TSHZ3: variants seen among roughly 807,000 people sequenced by gnomAD.
TSHZ3 encodes the protein teashirt homolog 3.
In TSHZ3, 10 loss-of-function variants were observed where a neutral mutation model predicts 64.5. The ratio of observed to expected loss-of-function variants is 0.16; its 90% CI spans 0.10 to 0.26. The LOEUF (loss-of-function observed/expected upper bound fraction) is 0.26, where lower values mean the gene tolerates loss of function less well. Ranked by LOEUF, TSHZ3 falls within the 10% of genes least tolerant of loss-of-function variation. The probability of loss-of-function intolerance (pLI) is 1.00; values close to 1 mark genes in which losing one functional copy is unlikely to be tolerated. For missense variants in TSHZ3, 1,242 were observed against 1,421.7 expected (o/e 0.87, Z 2.03); for synonymous variants, 608 against 593.1 (o/e 1.03, Z -0.36).
intron 5 of TSHZ3, chr19:31,167,973 G>A (rs896260273): frequency 3.3e-5 from 5 of 152,092 alleles, no homozygotes; most frequent in South Asian, 2.1e-4. Context: ...TTGAGTCCAC[G>A]GTGTGTTTCT....
At chr19:31,193,445 C>T (rs1974942138) in intron 5 of TSHZ3, among the ~76,000 whole-genome samples, 2 of 152,156 alleles carry the variant, frequency 1.3e-5, no homozygotes, top group African/African-American at 2.4e-5. Context: ...TCTCAAAAGA[C>T]TTGAATGCCA....
intron 1 of TSHZ3, among the ~76,000 whole-genome samples, chr19:31,305,269 T>C (rs1916261288): frequency 6.6e-6 from 1 of 152,002 alleles, no homozygotes; most frequent in African/African-American, 2.4e-5. Context: ...CTCTGAACTG[T>C]TGATTTCGTT....
intron 1 of TSHZ3, among the ~76,000 whole-genome samples, chr19:31,307,384 G>C (rs1916332183): frequency 6.6e-6 from 1 of 152,120 alleles, no homozygotes; most frequent in Non-Finnish European, 1.5e-5. Context: ...TGGCTGGGGA[G>C]ACGGGAAGAT....
chr19:31,278,597 T>C lies in TSHZ3; in HGVS notation c.1196A>G (p.Gln399Arg). The part of the protein sequence containing the change: ...MECGSSHDTL[Q>R]ELTAHMMVTG... ...GACCATCATGTGGGCAGTGAGCTCC[T>C]GCAGGGTGTCATGCGAGCTCCCACA... Residue 399 changes from glutamine to arginine, a missense_variant, in exon 2 of 2, where the codon CAG (glutamine) becomes CGG (arginine). By Grantham distance (43) the Gln-to-Arg change is conservative. This residue lies in a region of TSHZ3 where 555 missense variants were observed against 704.0 expected (regional missense o/e 0.79). Transcript: ENST00000240587. This position sits in a 1 kb window ranked among gnomAD's most constrained non-coding sequence, Gnocchi z 4.7. 6.2e-7 allele frequency: 1 copy of C among 1,614,202 alleles called. No homozygotes were observed. The highest frequency in any genetic ancestry group is 8.5e-7 in the Non-Finnish European group (1 of 1,180,030).
At chr19:31,303,112 A>C (rs547061520) in intron 1 of TSHZ3, among the ~76,000 whole-genome samples, 1 of 152,316 alleles carries the variant, frequency 6.6e-6, no homozygotes, top group East Asian at 1.9e-4. Context: ...AAACAACTCC[A>C]AACAAAGCTA....
At chr19:31,209,145 C>T (rs772245610) in intron 4 of TSHZ3, among the ~76,000 whole-genome samples, 1 of 152,140 alleles carries the variant, frequency 6.6e-6, no homozygotes, top group African/African-American at 2.4e-5. Context: ...CCTTATGACT[C>T]CATGTAGAAA....
chr19:31,205,717 A>G (rs1447574620), intron 4 of TSHZ3, among the ~76,000 whole-genome samples: 2 of 152,208 alleles, frequency 1.3e-5, no homozygotes, highest in Middle Eastern at 3.2e-3. Flanking sequence ...AGCCCAAAAC[A>G]GAGGCTGTTG....
At chr19:31,204,709 T>C (rs932222484) in intron 5 of TSHZ3, 4 of 152,308 alleles carry the variant, frequency 2.6e-5, no homozygotes, top group African/African-American at 7.2e-5. Context: ...TGGCTGTCCA[T>C]GTTTCCGTCC....
exon 7 of TSHZ3, among the ~76,000 whole-genome samples, chr19:31,151,696 G>A (rs1176553456): frequency 6.6e-6 from 1 of 152,140 alleles, no homozygotes; most frequent in South Asian, 2.1e-4. Context: ...AGTCTGTCTC[G>A]ATGCAAGAGA....
chr19:31,350,232 G>C (rs1220237940), upstream of TSHZ3, among the ~76,000 whole-genome samples: 1 of 149,920 alleles, frequency 6.7e-6, no homozygotes, highest in Non-Finnish European at 1.5e-5. Flanking sequence ...GGGCCGGGGC[G>C]GGTGGGGGCA....
chr19:31,186,121 G>A (rs923935260), intron 5 of TSHZ3, among the ~76,000 whole-genome samples: 11 of 152,100 alleles, frequency 7.2e-5, no homozygotes, highest in African/African-American at 2.2e-4. Flanking sequence ...GAATCAAGTC[G>A]CGGTGACCGT....
chr19:31,314,530 G>T (rs146005015), intron 1 of TSHZ3, among the ~76,000 whole-genome samples: 1 of 152,188 alleles, frequency 6.6e-6, no homozygotes, highest in African/African-American at 2.4e-5. Flanking sequence ...CTAATGACAG[G>T]ATTTCACATC....
At chr19:31,193,938 A>G (rs1175098701) in intron 5 of TSHZ3, among the ~76,000 whole-genome samples, 1 of 152,214 alleles carries the variant, frequency 6.6e-6, no homozygotes, top group Non-Finnish European at 1.5e-5. Context: ...TTGCTACTCT[A>G]TCTTAACAAC....
At chr19:31,224,860 G>T (rs2047335) in intron 4 of TSHZ3, among the ~76,000 whole-genome samples, 25,977 of 152,192 alleles carry the variant, frequency 0.17, 2,422 homozygotes, top group Middle Eastern at 0.39. Context: ...TTGTGCTCAA[G>T]AGCTGGAGGT....
At chr19:31,250,455 C>T (rs181649092) in intron 1 of TSHZ3, among the ~76,000 whole-genome samples, 1 of 152,336 alleles carries the variant, frequency 6.6e-6, no homozygotes, top group East Asian at 1.9e-4. Context: ...GTAGAGAATA[C>T]ATCCCAACTC....
At chr19:31,282,543 C>A (rs1197642170) in intron 1 of TSHZ3, among the ~76,000 whole-genome samples, 1 of 152,078 alleles carries the variant, frequency 6.6e-6, no homozygotes, top group Non-Finnish European at 1.5e-5. Flanking sequence ...CTCCCCATGG[C>A]CAGAGCCTTC....
intron 5 of TSHZ3, among the ~76,000 whole-genome samples, chr19:31,173,592 C>G (rs551255039): frequency 6.6e-6 from 1 of 152,236 alleles, no homozygotes; most frequent in South Asian, 2.1e-4. Flanking sequence ...AAAATATGTT[C>G]CCATCCCAGG....
rs528948440 is a variant in TSHZ3 at position 31,178,879 on chromosome 19, G to A, written n.810-22462C>T. ...GAGTCCTGGAGGATGCAAACACCAC[G>A]TGCTTCAGCTTCAGGTGTCAATATC... On this transcript the variant is annotated intron_variant and non_coding_transcript_variant, in intron 5 of 6. Transcript: ENST00000651361. 4.6e-5 allele frequency among the ~76,000 whole-genome samples: 7 copies of A among 152,294 alleles called. No individual in the cohort carries two copies. In the South Asian group the frequency reaches 1.2e-3, roughly 27 times the overall value.
intron 3 of TSHZ3, among the ~76,000 whole-genome samples, chr19:31,241,495 C>T (rs530242646): frequency 6.6e-6 from 1 of 152,314 alleles, no homozygotes; most frequent in African/African-American, 2.4e-5. Context: ...AGTCTCTCTG[C>T]TCTACTTTCA....
Sources: allele counts gnomAD v4.1 joint callset (sites outside exome capture counted in the v4.1 genomes callset), GRCh38; gene constraint gnomAD v4.1.1; regional missense constraint gnomAD v4.1.1; non-coding constraint Gnocchi (gnomAD v3.1); transcripts MANE v1.5; gene names NCBI Gene and HGNC (gene_info 2026-07-23, HGNC 2026-07-21).